The following ECT2L variants were observed in gnomAD, a reference collection of about 807,000 sequenced individuals.
ECT2L encodes the protein epithelial cell transforming 2 like.
A neutral mutation model predicts 122.8 loss-of-function variants in ECT2L; 126 were observed. The ratio of observed to expected loss-of-function variants is 1.03; its 90% confidence interval spans 0.89 to 1.19. ECT2L has a LOEUF of 1.19. Among genes scored for constraint, ECT2L ranks in the 50% most tolerant of loss-of-function variants. The pLI is 0.00. For missense variants in ECT2L, 1,012 were observed against 1,064.1 expected (o/e 0.95, Z 0.68); for synonymous variants, 385 against 381.8 (o/e 1.01, Z -0.10).
chr6:138,849,995 CA>C (rs1777377386), intron 9 of ECT2L, among the ~76,000 whole-genome samples: 1 of 152,022 alleles, frequency 6.6e-6, no homozygotes, highest in South Asian at 2.1e-4. Context: ...TTCCATCTTG[CA>C]AAACTGAAAC....
At chr6:138,892,020 C>G (rs1310572199) in intron 20 of ECT2L, among the ~76,000 whole-genome samples, 3 of 152,174 alleles carry the variant, frequency 2.0e-5, no homozygotes, top group South Asian at 4.1e-4. Flanking sequence ...CATTATTACT[C>G]CAGATATTTC....
chr6:138,868,528 TAA>T (rs1778132108), intron 13 of ECT2L, among the ~76,000 whole-genome samples: 1 of 151,898 alleles, frequency 6.6e-6, no homozygotes, highest in Non-Finnish European at 1.5e-5. Context: ...ATATTTCACA[TAA>T]ACTTTACTCA....
chr6:138,860,758 G>A (rs1455849748), intron 10 of ECT2L, among the ~76,000 whole-genome samples: 1 of 143,004 alleles, frequency 7.0e-6, no homozygotes, highest in Non-Finnish European at 1.5e-5. Flanking sequence ...AGTGCAGTGT[G>A]TGTAGCTTTG....
At chr6:138,798,162 T>C (rs1416445945) in intron 1 of ECT2L, among the ~76,000 whole-genome samples, 1 of 152,230 alleles carries the variant, frequency 6.6e-6, no homozygotes, top group East Asian at 1.9e-4. Context: ...CAAAGATCCC[T>C]GAATCTTGTC....
At chr6:138,872,004 C>T (rs113732710) in intron 13 of ECT2L, among the ~76,000 whole-genome samples, 2,076 of 151,620 alleles carry the variant, frequency 0.014, 30 homozygotes, top group Admixed American at 0.046. Flanking sequence ...GATGGGGCCT[C>T]GCTCTGTCAC....
chr6:138,860,245 G>GT (rs1364597618), intron 10 of ECT2L, among the ~76,000 whole-genome samples: 10 of 151,490 alleles, frequency 6.6e-5, no homozygotes, highest in African/African-American at 2.2e-4. Context: ...TTTCTCCTAT[G>GT]TTTTTTCTAA....
At chr6:138,884,026 G>A (rs1778728100) in intron 16 of ECT2L, among the ~76,000 whole-genome samples, 1 of 152,044 alleles carries the variant, frequency 6.6e-6, no homozygotes, top group Admixed American at 6.5e-5. Flanking sequence ...ACCACACCTG[G>A]CTAATTTTTT....
At chr6:138,839,644 G>A (rs867679499) in intron 5 of ECT2L, among the ~76,000 whole-genome samples, 9 of 152,312 alleles carry the variant, frequency 5.9e-5, no homozygotes, top group East Asian at 5.8e-4. Context: ...GATTACAGGC[G>A]TGAGCCACTG....
At chr6:138,875,328 T>C (rs965759214) in intron 13 of ECT2L, among the ~76,000 whole-genome samples, 3 of 152,248 alleles carry the variant, frequency 2.0e-5, no homozygotes, top group African/African-American at 2.4e-5. Context: ...CAGAGCAATG[T>C]GGCATCTCCA....
chr6:138,887,920 C>T (rs147743625), intron 19 of ECT2L, among the ~76,000 whole-genome samples: 2 of 152,294 alleles, frequency 1.3e-5, no homozygotes, highest in Non-Finnish European at 2.9e-5. Flanking sequence ...GCATCCTGAA[C>T]ATTCCTGTTA....
chr6:138,801,707 A>T (rs1322377941), intron 1 of ECT2L, among the ~76,000 whole-genome samples: 2 of 152,166 alleles, frequency 1.3e-5, no homozygotes, highest in Non-Finnish European at 1.5e-5. Flanking sequence ...GTGAGCCAAG[A>T]TCATGCCACT....
rs373737144 is a variant in ECT2L, at chr6:138,868,166, C to T, written c.1538C>T (p.Ala513Val). The T allele has an allele frequency of 1.2e-5, 19 of 1,613,654 alleles. No individual in the cohort carries two copies. Among genetic ancestry groups the T allele is most frequent in the East Asian group, 4.5e-5 (2 of 44,888 alleles). Reference protein sequence around the residue: ...NILNNQDTAQALADGLMELSK... With the variant: ...NILNNQDTAQVLADGLMELSK... ...CTAAACAACCAAGATACTGCGCAAG[C>T]TCTGGCAGATGGATTGATGGAGTTG... Residue 513 changes from alanine to valine, a missense_variant, in exon 13 of 22, where the codon GCT becomes GTT. Transcript: ENST00000541398.
At chr6:138,807,457 A>G (rs1775750210) in intron 1 of ECT2L, among the ~76,000 whole-genome samples, 1 of 152,168 alleles carries the variant, frequency 6.6e-6, no homozygotes, top group African/African-American at 2.4e-5. Context: ...TGCAGGTAAC[A>G]GTGTTACTAA....
intron 19 of ECT2L, among the ~76,000 whole-genome samples, chr6:138,887,250 C>A (rs1235722155): frequency 1.3e-5 from 2 of 148,746 alleles, no homozygotes; most frequent in African/African-American, 5.0e-5. Context: ...TTTTTGAGAC[C>A]GAGTCTCACA....
At chr6:138,803,154 G>A (rs1204533778) in intron 1 of ECT2L, among the ~76,000 whole-genome samples, 3 of 151,712 alleles carry the variant, frequency 2.0e-5, no homozygotes, top group Admixed American at 6.6e-5. Flanking sequence ...CTACCCGGGA[G>A]GCTGAGGCCA....
intron 4 of ECT2L, chr6:138,823,257 C>A (rs1475897422): frequency 7.0e-6 from 11 of 1,563,990 alleles, no homozygotes; most frequent in Non-Finnish European, 8.6e-6. Context: ...GCTGAGCATA[C>A]CCCAGCTGGT....
intron 20 of ECT2L, among the ~76,000 whole-genome samples, chr6:138,894,080 C>T (rs941553258): frequency 1.3e-5 from 2 of 152,002 alleles, no homozygotes; most frequent in Non-Finnish European, 2.9e-5. Context: ...TTTTTTGAGA[C>T]GGAGTCTCAC....
intron 20 of ECT2L, among the ~76,000 whole-genome samples, chr6:138,891,014 C>T (rs1779003637): frequency 6.6e-6 from 1 of 152,090 alleles, no homozygotes; most frequent in African/African-American, 2.4e-5. Context: ...CTCCTCTCGG[C>T]CAAGGGGATT....
chr6:138,809,766 T>G (rs567264823), intron 1 of ECT2L, among the ~76,000 whole-genome samples: 109 of 152,362 alleles, frequency 7.2e-4, no homozygotes, highest in Admixed American at 3.7e-3. Flanking sequence ...TTGGGAATCA[T>G]TCTCACTTTT....
Sources: allele counts gnomAD v4.1 joint callset (sites outside exome capture counted in the v4.1 genomes callset), GRCh38; gene constraint gnomAD v4.1.1; transcripts MANE v1.5; gene names NCBI Gene and HGNC (gene_info 2026-07-23, HGNC 2026-07-21).